Variants in LRRTM4 observed in about 807,000 individuals in gnomAD.
The protein encoded by LRRTM4 is leucine rich repeat transmembrane neuronal 4.
Under a neutral mutation model 47.6 loss-of-function variants are expected in LRRTM4, and 25 were observed. The ratio of observed to expected loss-of-function variants is 0.53; its 90% CI spans 0.38 to 0.73. LRRTM4 has a LOEUF of 0.73. LRRTM4 is among the 30% of genes least tolerant of loss of function. The probability of loss-of-function intolerance (pLI) is 0.00; values close to 1 mark genes in which losing one functional copy is unlikely to be tolerated. For missense variants in LRRTM4, 638 were observed against 713.4 expected (o/e 0.89, Z 1.20); for synonymous variants, 311 against 269.5 (o/e 1.15, Z -1.51).
chr2:77,239,911 T>C (rs905047639), intron 3 of LRRTM4, among the ~76,000 whole-genome samples: 1 of 151,888 alleles, frequency 6.6e-6, no homozygotes, highest in East Asian at 1.9e-4. Flanking sequence ...TTATTCACCT[T>C]ATTAAATCAT....
intron 3 of LRRTM4, among the ~76,000 whole-genome samples, chr2:77,027,767 T>C (rs1414910680): frequency 6.6e-6 from 1 of 152,162 alleles, no homozygotes; most frequent in East Asian, 1.9e-4. Flanking sequence ...TCAAGACATT[T>C]GAATTACAAT....
At chr2:76,774,356 T>C (rs1673861788) in intron 3 of LRRTM4, among the ~76,000 whole-genome samples, 1 of 147,140 alleles carries the variant, frequency 6.8e-6, no homozygotes, top group African/African-American at 2.4e-5. Context: ...CACTCCCAGA[T>C]AATTTTTGTA....
intron 3 of LRRTM4, among the ~76,000 whole-genome samples, chr2:77,014,626 A>G (rs1050714012): frequency 6.6e-6 from 1 of 151,846 alleles, no homozygotes; most frequent in Non-Finnish European, 1.5e-5. Flanking sequence ...AGCCTGGCCA[A>G]CATGGTGAAA....
At chr2:76,750,709 G>T (rs76543253) in intron 3 of LRRTM4, among the ~76,000 whole-genome samples, 99 of 152,174 alleles carry the variant, frequency 6.5e-4, no homozygotes, top group African/African-American at 2.3e-3. Context: ...TGTTTACTAT[G>T]CAAGTTCCTC....
chr2:76,969,590 A>G (rs1442618531), intron 3 of LRRTM4, among the ~76,000 whole-genome samples: 3 of 151,918 alleles, frequency 2.0e-5, no homozygotes, highest in African/African-American at 7.2e-5. Context: ...TGCATGCTGA[A>G]CCAAGCTTTG....
chr2:77,362,655 T>C (rs1001940228), intron 3 of LRRTM4, among the ~76,000 whole-genome samples: 13 of 152,158 alleles, frequency 8.5e-5, no homozygotes, highest in Non-Finnish European at 8.8e-5. Context: ...GCCCATCTAA[T>C]GGGAAGTAAA....
chr2:77,213,539 A>C (rs1303960135), intron 3 of LRRTM4, among the ~76,000 whole-genome samples: 1 of 152,196 alleles, frequency 6.6e-6, no homozygotes, highest in Admixed American at 6.5e-5. Flanking sequence ...GTACACTTTC[A>C]ATAATGTTAG....
At chr2:76,793,057 G>T (rs1203506969) in intron 3 of LRRTM4, among the ~76,000 whole-genome samples, 2 of 152,088 alleles carry the variant, frequency 1.3e-5, no homozygotes, top group South Asian at 4.1e-4. Context: ...AAAAATCAAG[G>T]CTTTAGCAGT....
chr2:76,930,401 G>A (rs1436664407), intron 3 of LRRTM4, among the ~76,000 whole-genome samples: 2 of 152,182 alleles, frequency 1.3e-5, no homozygotes, highest in African/African-American at 2.4e-5. Context: ...AAACGTGTCT[G>A]TGCTATGGGT....
chr2:76,993,262 T>C (rs1024507908), intron 3 of LRRTM4, among the ~76,000 whole-genome samples: 2 of 151,698 alleles, frequency 1.3e-5, no homozygotes, highest in East Asian at 1.9e-4. Context: ...AAAGCAAAAA[T>C]TGAGAAGTAG....
intron 3 of LRRTM4, among the ~76,000 whole-genome samples, chr2:77,295,163 T>C (rs944022740): frequency 6.6e-6 from 1 of 152,142 alleles, no homozygotes; most frequent in Non-Finnish European, 1.5e-5. Flanking sequence ...GATATGGTCA[T>C]TCTTTTTAAA....
At chr2:77,440,160 A>C (rs1675779492) in intron 3 of LRRTM4, among the ~76,000 whole-genome samples, 1 of 152,124 alleles carries the variant, frequency 6.6e-6, no homozygotes, top group Non-Finnish European at 1.5e-5. Flanking sequence ...CACGCCTGTA[A>C]TCCGAGCACT....
chr2:77,173,415 A>G (rs985040404), intron 3 of LRRTM4, among the ~76,000 whole-genome samples: 1 of 152,120 alleles, frequency 6.6e-6, no homozygotes, highest in Admixed American at 6.6e-5. Context: ...TCTCATTTCT[A>G]ACATCTTCTG....
Position 76,908,768 on chromosome 2 carries a change from T to C in LRRTM4, c.1552-159852A>G, listed in dbSNP as rs192739242. Among the ~76,000 whole-genome samples, 950 of 152,058 alleles carry C rather than the reference T, an allele frequency of 6.2e-3. 29 individuals are homozygous for C. The highest frequency in any genetic ancestry group is 0.057 in the Admixed American group (864 of 15,264). On this transcript the variant is annotated intron_variant, in intron 3 of 3. Coordinates refer to ENST00000409884, the MANE Select transcript of LRRTM4 (RefSeq NM_001134745.3). ...ATTGCTTCAAAGAGAATAAAATACC[T>C]AGGAATCCACCTTACAAGGGATGTG...
intron 3 of LRRTM4, among the ~76,000 whole-genome samples, chr2:77,175,115 G>T (rs1393963463): frequency 1.3e-5 from 2 of 148,424 alleles, no homozygotes; most frequent in African/African-American, 2.5e-5. Context: ...CTTCACACAG[G>T]CTGGAGTACA....
At chr2:77,478,805 T>C (rs964192881) in intron 3 of LRRTM4, among the ~76,000 whole-genome samples, 9 of 152,344 alleles carry the variant, frequency 5.9e-5, no homozygotes, top group East Asian at 1.9e-4. Context: ...TTCAGAGTTT[T>C]TGTCTTTTTA....
At chr2:76,840,554 A>G (rs1339815304) in intron 3 of LRRTM4, among the ~76,000 whole-genome samples, 1 of 152,222 alleles carries the variant, frequency 6.6e-6, no homozygotes, top group Non-Finnish European at 1.5e-5. Flanking sequence ...TTCACATGCA[A>G]AAGATAGAAT....
intron 3 of LRRTM4, among the ~76,000 whole-genome samples, chr2:76,904,189 T>G (rs1488200100): frequency 6.6e-6 from 1 of 152,220 alleles, no homozygotes; most frequent in East Asian, 1.9e-4. Flanking sequence ...CTTGTTCTGC[T>G]CTATTACAAT....
Position 77,430,223 on chromosome 2 carries a change from T to C in LRRTM4, c.1551+88095A>G, listed in dbSNP as rs1163351462. 2.0e-5 allele frequency among the ~76,000 whole-genome samples: 3 copies of C among 152,212 alleles called. No individual in the cohort carries two copies. In the East Asian group the frequency reaches 5.8e-4, roughly 29 times the overall value. ...TTAGCTAGCTTTAGTTATTCCACAATGTATACATACTTTAAAACATCATGT... is the reference window on the plus strand; with the variant it reads ...TTAGCTAGCTTTAGTTATTCCACAACGTATACATACTTTAAAACATCATGT... On this transcript the variant is annotated intron_variant, in intron 3 of 3. Transcript: ENST00000409884.
Sources: allele counts gnomAD v4.1 joint callset (sites outside exome capture counted in the v4.1 genomes callset), GRCh38; gene constraint gnomAD v4.1.1; transcripts MANE v1.5; gene names NCBI Gene and HGNC (gene_info 2026-07-23, HGNC 2026-07-21).